PTPRM: variants seen among roughly 807,000 people sequenced by gnomAD.
The protein encoded by PTPRM is receptor-type tyrosine-protein phosphatase mu.
A neutral mutation model predicts 186.7 loss-of-function variants in PTPRM; 47 were observed. The ratio of observed to expected loss-of-function variants is 0.25; its 90% CI spans 0.20 to 0.32. The LOEUF (loss-of-function observed/expected upper bound fraction) is 0.32. Ranked by LOEUF, PTPRM falls within the 10% of genes least tolerant of loss-of-function variation. PTPRM has a pLI of 1.00. For missense variants in PTPRM, 1,494 were observed against 1,865.0 expected (o/e 0.80, Z 3.66); for synonymous variants, 668 against 674.9 (o/e 0.99, Z 0.16).
At chr18:7,983,371 A>G (rs1250918449) in intron 7 of PTPRM, among the ~76,000 whole-genome samples, 1 of 152,066 alleles carries the variant, frequency 6.6e-6, no homozygotes. Flanking sequence ...TTAGTGGGAA[A>G]ATTGTCTTCT....
intron 1 of PTPRM, among the ~76,000 whole-genome samples, chr18:7,650,444 T>TTCCC (rs2038670695): frequency 3.5e-5 from 3 of 85,608 alleles, no homozygotes; most frequent in Non-Finnish European, 7.9e-5. Context: ...AACTTTCAAA[T>TTCCC]CCCCCCCCCC....
chr18:8,147,943 C>T lies in PTPRM; in HGVS notation c.2300+4164C>T, dbSNP rs146997761. ...TTGGTTCTGTTTATGTGATGGGTTA[C>T]GTTTATTGATTTGTGTATGTTGAAC... is the stretch of plus-strand genomic sequence containing the variant. On this transcript the variant is annotated intron_variant, in intron 14 of 32. Coordinates refer to ENST00000580170, the MANE Select transcript of PTPRM (RefSeq NM_001105244.2). Among the ~76,000 whole-genome samples, 361 of 152,160 alleles carry T rather than the reference C, an allele frequency of 2.4e-3. 1 individual carries two copies. Among genetic ancestry groups the T allele is most frequent in the African/African-American group, 8.2e-3 (340 of 41,514 alleles).
chr18:7,785,029 C>G (rs1286800156), intron 2 of PTPRM, among the ~76,000 whole-genome samples: 3 of 152,076 alleles, frequency 2.0e-5, no homozygotes, highest in Admixed American at 1.3e-4. Flanking sequence ...AGAAGGACAT[C>G]CTGTGTAAAG....
chr18:7,794,156 C>T (rs576820431), intron 2 of PTPRM, among the ~76,000 whole-genome samples: 6 of 152,270 alleles, frequency 3.9e-5, no homozygotes, highest in South Asian at 2.1e-4. Flanking sequence ...CTGATTCTTC[C>T]GGTACACTAA....
chr18:8,376,126 C>T lies in PTPRM; in HGVS notation c.3252C>T (p.Thr1084=), dbSNP rs150449029. 157 of 1,614,052 alleles carry T rather than the reference C, an allele frequency of 9.7e-5. 1 individual carries two copies. Among genetic ancestry groups the T allele is most frequent in the East Asian group, 7.4e-4 (33 of 44,874 alleles). The change falls in exon 25 of 33, where the codon ACC becomes ACT. Residue 1084 remains threonine, a synonymous_variant. Coordinates refer to ENST00000580170, the MANE Select transcript of PTPRM (RefSeq NM_001105244.2). ...WPDHGVPYHA[T]GLLGFVRQVK... ...ATCATGGGGTCCCCTACCATGCCACCGGCCTGCTGGGATTCGTGCGGCAAG... is the reference window on the plus strand; with the variant it reads ...ATCATGGGGTCCCCTACCATGCCACTGGCCTGCTGGGATTCGTGCGGCAAG...
intron 30 of PTPRM, among the ~76,000 whole-genome samples, chr18:8,386,044 C>T (rs928325227): frequency 1.3e-5 from 2 of 152,044 alleles, no homozygotes; most frequent in Non-Finnish European, 2.9e-5. Context: ...TGGACACTGA[C>T]TGAGTTGTTG....
intron 1 of PTPRM, among the ~76,000 whole-genome samples, chr18:7,733,782 C>T (rs989565248): frequency 1.3e-5 from 2 of 152,188 alleles, no homozygotes; most frequent in Non-Finnish European, 2.9e-5. Flanking sequence ...AGGCTCCTCC[C>T]CTGCATAAGG....
chr18:8,400,765 G>A (rs1445530111), intron 32 of PTPRM, among the ~76,000 whole-genome samples: 1 of 152,208 alleles, frequency 6.6e-6, no homozygotes, highest in Non-Finnish European at 1.5e-5. Context: ...CATACAAAAT[G>A]CAATGTGGTG....
chr18:8,037,984 A>G (rs1426941814), intron 7 of PTPRM, among the ~76,000 whole-genome samples: 1 of 152,180 alleles, frequency 6.6e-6, no homozygotes, highest in African/African-American at 2.4e-5. Flanking sequence ...CTTATGGTAT[A>G]TTAAAATTAT....
intron 4 of PTPRM, among the ~76,000 whole-genome samples, chr18:7,925,417 TTAAG>T (rs2051114551): frequency 6.6e-6 from 1 of 152,188 alleles, no homozygotes; most frequent in Non-Finnish European, 1.5e-5. Context: ...TGACATTAAA[TTAAG>T]TTTTTCTTTG....
At chr18:8,109,854 A>G (rs2091681444) in intron 11 of PTPRM, among the ~76,000 whole-genome samples, 1 of 152,174 alleles carries the variant, frequency 6.6e-6, no homozygotes, top group Non-Finnish European at 1.5e-5. Flanking sequence ...GGGCACATAG[A>G]GACACAGCGT....
rs909264233 is a variant in PTPRM, at chr18:7,781,252, C to T, written c.196+6981C>T. Among the ~76,000 whole-genome samples the T allele has an allele frequency of 7.9e-5, 12 of 151,738 alleles. 1 individual carries two copies. In the South Asian group the frequency reaches 2.5e-3, roughly 32 times the overall value. The stretch of plus-strand genomic sequence containing the variant: ...CTAATTTTTGATTGGATTAAAAAGC[C>T]CCAAGCTGAAATAAGTCTATTAAAA... On this transcript the variant is annotated intron_variant, in intron 2 of 32. Coordinates refer to ENST00000580170, the MANE Select transcript of PTPRM (RefSeq NM_001105244.2).
At chr18:7,943,519 A>G (rs535554771) in intron 5 of PTPRM, among the ~76,000 whole-genome samples, 11 of 152,246 alleles carry the variant, frequency 7.2e-5, no homozygotes. Context: ...TCAGATGATC[A>G]CCACATTGGC....
intron 2 of PTPRM, among the ~76,000 whole-genome samples, chr18:7,787,733 TCTCTAA>T (rs761421426): frequency 3.9e-5 from 6 of 152,238 alleles, no homozygotes; most frequent in African/African-American, 7.2e-5. Context: ...GTTGAATGGT[TCTCTAA>T]CTCTTTGGTC....
intron 7 of PTPRM, 149 bp from the exon 8 acceptor site, chr18:8,069,537 T>C: frequency 1.4e-6 from 1 of 728,118 alleles, no homozygotes; most frequent in Non-Finnish European, 2.2e-6. Flanking sequence ...GGTAGCCAAA[T>C]GCCTAGCCAA....
intron 7 of PTPRM, among the ~76,000 whole-genome samples, chr18:7,994,265 A>AAC (rs71165762): frequency 0.019 from 2,793 of 148,986 alleles, 54 homozygotes; most frequent in Admixed American, 0.052. Flanking sequence ...GGATATAAAT[A>AAC]ACACACACAC....
chr18:7,912,146 C>A (rs979273364), intron 4 of PTPRM, among the ~76,000 whole-genome samples: 2 of 152,058 alleles, frequency 1.3e-5, no homozygotes, highest in African/African-American at 2.4e-5. Context: ...GCCACTGTGC[C>A]CGTCCTATAG....
At chr18:8,010,452 A>G (rs2084457576) in intron 7 of PTPRM, among the ~76,000 whole-genome samples, 1 of 152,174 alleles carries the variant, frequency 6.6e-6, no homozygotes, top group South Asian at 2.1e-4. Flanking sequence ...TCCCTAAACC[A>G]CTGAGTTTTG....
chr18:7,752,134 A>G (rs1262494526), intron 1 of PTPRM, among the ~76,000 whole-genome samples: 1 of 152,166 alleles, frequency 6.6e-6, no homozygotes, highest in Non-Finnish European at 1.5e-5. Context: ...ACTCACACAT[A>G]CAGAATTAAT....
Sources: gnomAD v4.1 joint callset for allele counts (sites outside exome capture counted in the v4.1 genomes callset) on GRCh38, gnomAD v4.1.1 for gene constraint, MANE v1.5 for transcripts, NCBI Gene and HGNC (gene_info 2026-07-23, HGNC 2026-07-21) for gene names.